PRDM5: variants seen among roughly 807,000 people sequenced by gnomAD.
The protein encoded by PRDM5 is PR/SET domain 5.
PRDM5 carries 56 observed loss-of-function variants against 81.2 expected under a neutral mutation model. That is an observed-to-expected ratio of 0.69 (90% CI 0.56 to 0.86). The LOEUF is 0.86. Among genes scored for constraint, PRDM5 ranks in the 40% least tolerant of loss-of-function variants. PRDM5 has a pLI of 0.00. For missense variants in PRDM5, 697 were observed against 770.1 expected, an observed-to-expected ratio of 0.91 and a Z score of 1.12; for synonymous variants, 267 against 256.4, an observed-to-expected ratio of 1.04 and a Z score of -0.39.
intron 2 of PRDM5, among the ~76,000 whole-genome samples, chr4:120,867,306 A>C (rs960592713): frequency 2.0e-5 from 3 of 152,228 alleles, no homozygotes; most frequent in South Asian, 2.1e-4. Context: ...ATCTTCATAA[A>C]TTTTAATACT....
At chr4:120,885,771 A>G (rs1763371759) in intron 2 of PRDM5, 1 of 150,396 alleles carries the variant, frequency 6.6e-6, no homozygotes, top group South Asian at 2.1e-4. Flanking sequence ...TCCAGTCGGG[A>G]GACAGAGCAA....
At chr4:120,687,499 G>T (rs1733882301), downstream of PRDM5, among the ~76,000 whole-genome samples, 3 of 152,020 alleles carry the variant, frequency 2.0e-5, no homozygotes, top group African/African-American at 7.2e-5. Context: ...CATTGTAGGT[G>T]TACATGAAAT....
intron 2 of PRDM5, among the ~76,000 whole-genome samples, chr4:120,904,459 A>G (rs185140418): frequency 3.3e-5 from 5 of 152,288 alleles, no homozygotes; most frequent in African/African-American, 1.2e-4. Context: ...ATTGTGTAAC[A>G]AGTAAAAATA....
chr4:120,885,133 T>G (rs1283305406), intron 2 of PRDM5, among the ~76,000 whole-genome samples: 1 of 31,502 alleles, frequency 3.2e-5, no homozygotes, highest in Non-Finnish European at 5.2e-5. Flanking sequence ...AGACTCCGTA[T>G]CAAAAAAAAA....
At chr4:120,747,861 T>A (rs1464511014) in intron 14 of PRDM5, among the ~76,000 whole-genome samples, 3 of 152,226 alleles carry the variant, frequency 2.0e-5, no homozygotes, top group African/African-American at 7.2e-5. Context: ...GTTAATTGGG[T>A]TTTTGAAATG....
At chr4:120,730,139 A>T (rs1236639393) in intron 14 of PRDM5, among the ~76,000 whole-genome samples, 1 of 152,188 alleles carries the variant, frequency 6.6e-6, no homozygotes, top group African/African-American at 2.4e-5. Flanking sequence ...CTGCCTATTA[A>T]TAGTCATTGT....
chr4:120,741,919 G>A (rs1028423400), intron 14 of PRDM5, among the ~76,000 whole-genome samples: 27 of 152,354 alleles, frequency 1.8e-4, no homozygotes, highest in African/African-American at 6.3e-4. Context: ...ACTGGGTGGA[G>A]CCCACCACAG....
chr4:120,689,586 A>G (rs939278665), downstream of PRDM5, among the ~76,000 whole-genome samples: 33 of 151,452 alleles, frequency 2.2e-4, no homozygotes, highest in African/African-American at 8.0e-4. Context: ...TCCACTAGTT[A>G]GATTTTCAAA....
At chr4:120,901,686 G>A (rs1257090256) in intron 2 of PRDM5, among the ~76,000 whole-genome samples, 2 of 152,198 alleles carry the variant, frequency 1.3e-5, no homozygotes, top group African/African-American at 4.8e-5. Flanking sequence ...ATGATATAAT[G>A]TATTTAAGTA....
intron 8 of PRDM5, among the ~76,000 whole-genome samples, chr4:120,805,920 G>A (rs1477434666): frequency 1.3e-5 from 2 of 152,176 alleles, no homozygotes; most frequent in Non-Finnish European, 2.9e-5. Flanking sequence ...TTGTCCGTTT[G>A]CAGATGACAT....
At chr4:120,802,666 T>G (rs1752307470) in intron 8 of PRDM5, among the ~76,000 whole-genome samples, 1 of 152,200 alleles carries the variant, frequency 6.6e-6, no homozygotes, top group South Asian at 2.1e-4. Flanking sequence ...GAAGGAAAAC[T>G]AACAGACAGA....
intron 10 of PRDM5, among the ~76,000 whole-genome samples, chr4:120,793,677 A>G (rs2149270362): frequency 6.6e-6 from 1 of 152,352 alleles, no homozygotes; most frequent in African/African-American, 2.4e-5. Flanking sequence ...TATATGGTGT[A>G]TGACATGTTT....
chr4:120,699,501 C>G (rs1735048708), intron 15 of PRDM5, among the ~76,000 whole-genome samples: 1 of 152,056 alleles, frequency 6.6e-6, no homozygotes, highest in Admixed American at 6.6e-5. Flanking sequence ...CAAACAAGTG[C>G]CTTGGGACTG....
chr4:120,787,589 A>T (rs1749943002), intron 10 of PRDM5, among the ~76,000 whole-genome samples: 1 of 152,208 alleles, frequency 6.6e-6, no homozygotes, highest in Admixed American at 6.6e-5. Flanking sequence ...GAAGAGAAGT[A>T]GTAGAGTTCT....
At chr4:120,864,479 T>G (rs765839134) in intron 2 of PRDM5, among the ~76,000 whole-genome samples, 55 of 152,150 alleles carry the variant, frequency 3.6e-4, no homozygotes, top group Non-Finnish European at 6.8e-4. Flanking sequence ...TTAAGAAATA[T>G]TGATGTTACA....
rs1725129798 is a variant in PRDM5 at position 120,922,707 on chromosome 4, C to G, written c.-99G>C. The G allele has an allele frequency of 1.4e-6, 2 of 1,466,952 alleles. No individual in the cohort carries two copies. Among genetic ancestry groups the G allele is most frequent in the Non-Finnish European group, 1.9e-6 (2 of 1,075,634 alleles). The allele number at this position is 1,466,952 out of a possible 1,614,324, so 90.9% of individuals were successfully genotyped here. On this transcript the variant is annotated 5_prime_UTR_variant, in exon 1 of 16. Coordinates refer to ENST00000264808, the MANE Select transcript of PRDM5 (RefSeq NM_018699.4). ...GGGGTGCCAGGGTAGAGGGGAGAAA[C>G]CGGCAGGGAAGGAGGAAATGGAGTT...
At chr4:120,780,036 C>T (rs1748815079) in intron 12 of PRDM5, among the ~76,000 whole-genome samples, 1 of 151,944 alleles carries the variant, frequency 6.6e-6, no homozygotes, top group African/African-American at 2.4e-5. Flanking sequence ...TCAATTCAAT[C>T]CTTTTGAAAC....
chr4:120,788,150 T>A (rs1750037337), intron 10 of PRDM5, among the ~76,000 whole-genome samples: 2 of 152,066 alleles, frequency 1.3e-5, no homozygotes, highest in Non-Finnish European at 2.9e-5. Flanking sequence ...AACTGACAAA[T>A]TTTTGCAAAA....
intron 15 of PRDM5, among the ~76,000 whole-genome samples, chr4:120,696,793 A>G (rs1191227429): frequency 6.6e-6 from 1 of 152,194 alleles, no homozygotes; most frequent in Non-Finnish European, 1.5e-5. Flanking sequence ...AGTGGAATAG[A>G]AAGAAAACAC....
Sources: gnomAD v4.1 joint callset for allele counts (sites outside exome capture counted in the v4.1 genomes callset) on GRCh38, gnomAD v4.1.1 for gene constraint, MANE v1.5 for transcripts, NCBI Gene and HGNC (gene_info 2026-07-23, HGNC 2026-07-21) for gene names.